The following ELAPOR2 variants were observed in gnomAD, a reference collection of about 807,000 sequenced individuals.
The protein encoded by ELAPOR2 is endosome/lysosome-associated apoptosis and autophagy regulator family member 2.
A neutral mutation model predicts 120.7 loss-of-function variants in ELAPOR2; 89 were observed. The ratio of observed to expected loss-of-function variants is 0.74; its 90% CI spans 0.62 to 0.88. The LOEUF is 0.88. Among genes scored for constraint, ELAPOR2 ranks in the 40% least tolerant of loss-of-function variants. The pLI, the probability that ELAPOR2 is intolerant of heterozygous loss-of-function variation, is 0.00. For synonymous variants in ELAPOR2, 444 were observed against 444.9 expected, an observed-to-expected ratio of 1.00 and a Z score of 0.03; for missense variants, 1,134 against 1,251.6, an observed-to-expected ratio of 0.91 and a Z score of 1.42.
At chr7:86,924,727 C>G (rs1789986538) in intron 10 of ELAPOR2, among the ~76,000 whole-genome samples, 2 of 150,588 alleles carry the variant, frequency 1.3e-5, no homozygotes. Context: ...GTATACACCT[C>G]ACTTCCTATG....
At chr7:86,923,065 A>G (rs577110962) in intron 10 of ELAPOR2, among the ~76,000 whole-genome samples, 1 of 151,986 alleles carries the variant, frequency 6.6e-6, no homozygotes, top group Non-Finnish European at 1.5e-5. Flanking sequence ...TATATAACTT[A>G]GATTTTACTA....
At chr7:86,917,759 G>A (rs937353181) in intron 12 of ELAPOR2, among the ~76,000 whole-genome samples, 1 of 151,818 alleles carries the variant, frequency 6.6e-6, no homozygotes, top group East Asian at 1.9e-4. Flanking sequence ...TACATATCAC[G>A]GAGAAAACTG....
chr7:87,022,088 T>C (rs1276227920), intron 1 of ELAPOR2, among the ~76,000 whole-genome samples: 1 of 152,180 alleles, frequency 6.6e-6, no homozygotes, highest in Non-Finnish European at 1.5e-5. Context: ...TTTATTTATT[T>C]TGTATTATAC....
At chr7:86,909,660 A>G (rs1789201699) in intron 16 of ELAPOR2, 152 bp downstream of exon 16, 1 of 595,368 alleles carries the variant, frequency 1.7e-6, no homozygotes, top group Non-Finnish European at 2.8e-6. Flanking sequence ...CCCCACTAGT[A>G]GGAGCTTTTT....
intron 21 of ELAPOR2, among the ~76,000 whole-genome samples, chr7:86,889,500 A>T (rs189532088): frequency 2.9e-4 from 44 of 151,776 alleles, no homozygotes; most frequent in Admixed American, 2.8e-3. Context: ...AATCAAAATG[A>T]CTACTAAGTA....
At chr7:86,889,883 AC>A (rs1216444884) in intron 21 of ELAPOR2, among the ~76,000 whole-genome samples, 1 of 151,940 alleles carries the variant, frequency 6.6e-6, no homozygotes, top group Non-Finnish European at 1.5e-5. Context: ...TCTAAGGTAA[AC>A]CCTGATGGTT....
intron 1 of ELAPOR2, among the ~76,000 whole-genome samples, chr7:87,058,640 G>A (rs186713567): frequency 9.9e-5 from 15 of 152,122 alleles, no homozygotes; most frequent in African/African-American, 2.4e-4. Flanking sequence ...AATACACCGC[G>A]GCAATACTTC....
chr7:86,942,985 T>C (rs187028995), intron 4 of ELAPOR2, among the ~76,000 whole-genome samples: 38 of 152,212 alleles, frequency 2.5e-4, no homozygotes, highest in Non-Finnish European at 4.1e-4. Context: ...AAAGACTTAC[T>C]AACTAAAATA....
intron 2 of ELAPOR2, among the ~76,000 whole-genome samples, chr7:86,964,612 G>GA (rs1791836840): frequency 6.6e-6 from 1 of 151,904 alleles, no homozygotes; most frequent in Non-Finnish European, 1.5e-5. Context: ...TTTAAAATAA[G>GA]AAAAAATCCA....
intron 9 of ELAPOR2, among the ~76,000 whole-genome samples, chr7:86,926,488 A>C (rs1790071434): frequency 6.6e-6 from 1 of 152,010 alleles, no homozygotes; most frequent in Non-Finnish European, 1.5e-5. Context: ...ATTCAAATCC[A>C]AGTCAGTTTG....
intron 1 of ELAPOR2, among the ~76,000 whole-genome samples, chr7:87,036,232 G>C (rs1398482190): frequency 1.3e-5 from 2 of 152,188 alleles, no homozygotes; most frequent in Non-Finnish European, 2.9e-5. Context: ...CCAGTACTTT[G>C]GGAGGCTGAG....
intron 10 of ELAPOR2, chr7:86,920,920 G>C (rs764020406): frequency 6.6e-6 from 1 of 152,186 alleles, no homozygotes; most frequent in Non-Finnish European, 1.5e-5. Context: ...CCTCATTCCA[G>C]ACACACCTCA....
At chr7:86,955,783 C>G (rs1791444187) in intron 2 of ELAPOR2, among the ~76,000 whole-genome samples, 1 of 151,794 alleles carries the variant, frequency 6.6e-6, no homozygotes, top group African/African-American at 2.4e-5. Context: ...CATAAGCAAC[C>G]AAGTTCAACT....
intron 18 of ELAPOR2, among the ~76,000 whole-genome samples, chr7:86,902,418 C>T (rs894955240): frequency 7.2e-5 from 11 of 152,110 alleles, no homozygotes; most frequent in African/African-American, 2.2e-4. Context: ...TCATTTGATC[C>T]GCCTGTCTCG....
chr7:87,019,765 T>C (rs1157354354), intron 1 of ELAPOR2, among the ~76,000 whole-genome samples: 1 of 152,188 alleles, frequency 6.6e-6, no homozygotes, highest in Non-Finnish European at 1.5e-5. Flanking sequence ...ACACACTTAT[T>C]GACAAAACAT....
At chr7:86,985,540 G>A (rs961463883) in intron 1 of ELAPOR2, among the ~76,000 whole-genome samples, 3 of 152,056 alleles carry the variant, frequency 2.0e-5, no homozygotes, top group Admixed American at 6.6e-5. Flanking sequence ...TTCAACATAC[G>A]CAAATCAATA....
At chr7:86,961,931 G>A (rs145013568) in intron 2 of ELAPOR2, among the ~76,000 whole-genome samples, 87 of 152,278 alleles carry the variant, frequency 5.7e-4, no homozygotes, top group Non-Finnish European at 1.1e-3. Context: ...GGCCTGCCCA[G>A]AGAAGCACTA....
chr7:86,942,631 T>C (rs1482534758), intron 4 of ELAPOR2, among the ~76,000 whole-genome samples: 1 of 152,074 alleles, frequency 6.6e-6, no homozygotes, highest in East Asian at 1.9e-4. Flanking sequence ...AAGTTCCAAA[T>C]TTTTATTTGG....
chr7:86,963,802 T>C (rs922741549), intron 2 of ELAPOR2, among the ~76,000 whole-genome samples: 1 of 152,188 alleles, frequency 6.6e-6, no homozygotes, highest in African/African-American at 2.4e-5. Context: ...TTGCATCAAC[T>C]TCTTCTATAC....
Sources: allele counts gnomAD v4.1 joint callset (sites outside exome capture counted in the v4.1 genomes callset), GRCh38; gene constraint gnomAD v4.1.1; transcripts MANE v1.5; gene names NCBI Gene and HGNC (gene_info 2026-07-23, HGNC 2026-07-21).